The following CPSF6 variants were observed in gnomAD, a reference collection of about 807,000 sequenced individuals.
The protein encoded by CPSF6 is cleavage and polyadenylation specific factor 6, also known as cleavage and polyadenylation specificity factor subunit 6.
CPSF6 carries 10 observed loss-of-function variants against 56.7 expected under a neutral mutation model. The ratio of observed to expected loss-of-function variants is 0.18; its 90% CI spans 0.11 to 0.30. The LOEUF is 0.30. Among genes scored for constraint, CPSF6 ranks in the 10% least tolerant of loss-of-function variants. The pLI is 1.00. For synonymous variants in CPSF6, 248 were observed against 244.8 expected, an observed-to-expected ratio of 1.01 and a Z score of -0.12; for missense variants, 419 against 722.9, an observed-to-expected ratio of 0.58 and a Z score of 4.82.
intron 1 of CPSF6, among the ~76,000 whole-genome samples, chr12:69,241,408 C>G (rs768507658): frequency 2.0e-5 from 3 of 152,160 alleles, no homozygotes; most frequent in Non-Finnish European, 4.4e-5. Context: ...AGGGCTGTAA[C>G]TGCAAGGAAC....
chr12:69,251,375 A>G, intron 2 of CPSF6, 37 bp downstream of exon 2: 11 of 1,322,518 alleles, frequency 8.3e-6, no homozygotes, highest in Non-Finnish European at 1.1e-5. Flanking sequence ...ATTATTGGTA[A>G]TTGATTTTGA....
intron 1 of CPSF6, among the ~76,000 whole-genome samples, chr12:69,250,596 A>C (rs1413534378): frequency 8.6e-6 from 1 of 116,420 alleles, no homozygotes; most frequent in Non-Finnish European, 1.8e-5. Context: ...TCTACAAAAA[A>C]AAAAAAAAAA....
intron 9 of CPSF6, among the ~76,000 whole-genome samples, chr12:69,267,746 T>C (rs1249249946): frequency 1.3e-5 from 2 of 151,896 alleles, no homozygotes; most frequent in South Asian, 2.1e-4. Context: ...CTATCCCCCA[T>C]ATTTTATGTC....
rs992615171 is a variant in CPSF6 at position 69,272,456 on chromosome 12, C to T, written c.*2948C>T. On this transcript the variant is annotated 3_prime_UTR_variant, in exon 10 of 10. Coordinates refer to ENST00000435070, the MANE Select transcript of CPSF6 (RefSeq NM_007007.3). ...TGGAAAGGGCAAAGACTTTCTCTTT[C>T]CCTTATGTATTTAACTGTGCCAATC... The T allele has an allele frequency of 1.3e-5, 2 of 151,546 alleles. No individual in the cohort carries two copies. The highest frequency in any genetic ancestry group is 3.0e-5 in the Non-Finnish European group (2 of 67,602). The allele number at this position is 151,546 out of a possible 1,614,324, so 9.4% of individuals were successfully genotyped here. A position where few individuals can be genotyped will look rare whatever the true frequency, so the allele number is the denominator to read the frequency against.
At chr12:69,262,347 A>G (rs375868265) in intron 8 of CPSF6, 26 bp from the exon 9 acceptor site, 1 of 1,553,598 alleles carries the variant, frequency 6.4e-7, no homozygotes, top group Non-Finnish European at 8.7e-7. Context: ...TATGGAGAGC[A>G]TTAATCCAGT....
intron 3 of CPSF6, among the ~76,000 whole-genome samples, chr12:69,255,792 C>T (rs1275987569): frequency 6.6e-6 from 1 of 152,182 alleles, no homozygotes; most frequent in Non-Finnish European, 1.5e-5. Flanking sequence ...CTGCCTTGGC[C>T]TCCCAAAGTG....
intron 4 of CPSF6, 73 bp from the exon 5 acceptor site, chr12:69,257,659 T>C: frequency 1.4e-6 from 2 of 1,408,838 alleles, no homozygotes; most frequent in Non-Finnish European, 2.0e-6. Context: ...TAGAGTTGTT[T>C]TTAATAATAG....
intron 1 of CPSF6, among the ~76,000 whole-genome samples, chr12:69,245,468 T>C (rs1333943535): frequency 6.6e-6 from 1 of 152,220 alleles, no homozygotes; most frequent in Non-Finnish European, 1.5e-5. Context: ...TTAGGGTTCC[T>C]TGCTTTCCGT....
chr12:69,264,888 C>A (rs1177504013), intron 9 of CPSF6, among the ~76,000 whole-genome samples: 1 of 152,086 alleles, frequency 6.6e-6, no homozygotes, highest in Non-Finnish European at 1.5e-5. Context: ...TTTGAGCTTT[C>A]ATGTAAATCT....
rs1873390076 is a variant in CPSF6, at chr12:69,274,108, A to ATTTTTT, written c.*4600_*4601insTTTTTT. On this transcript the variant is annotated 3_prime_UTR_variant, in exon 10 of 10. Transcript: ENST00000435070. Reference sequence around the variant, plus strand: ...GGTAAGGTGATAATTGATCTAATAGACTTTTTTTTTTTTTTTTTTGCTGTC... The same window carrying ATTTTTT: ...GGTAAGGTGATAATTGATCTAATAGATTTTTTCTTTTTTTTTTTTTTTTTTGCTGTC... The ATTTTTT allele has an allele frequency of 2.4e-4, 11 of 45,558 alleles. No individual in the cohort carries two copies. The highest frequency in any genetic ancestry group is 3.4e-4 in the African/African-American group (3 of 8,854). 2.8% of individuals were successfully genotyped at this position (45,558 alleles called of 1,614,324 possible).
At position 69,259,043 on chromosome 12, in the gene CPSF6, C is replaced by T; in HGVS notation, c.1148C>T (p.Pro383Leu). 6.2e-7 allele frequency: 1 copy of T among 1,605,662 alleles called. No homozygotes were observed. Among genetic ancestry groups the T allele is most frequent in the Non-Finnish European group, 8.5e-7 (1 of 1,179,964 alleles). ...SDSRGPPPTD[P>L]YGRPPPYDRG... ...AGCCGAGGTCCACCACCAACAGATC[C>T]ATATGGGCGACCTCCACCATATGAT... is the stretch of plus-strand genomic sequence containing the variant. The change falls in exon 6 of 10, where the codon CCA becomes CTA. Residue 383 changes from proline (P) to leucine (L), a missense_variant. Transcript: ENST00000435070.
chr12:69,254,307 C>G (rs1238608586), intron 3 of CPSF6, among the ~76,000 whole-genome samples: 2 of 152,194 alleles, frequency 1.3e-5, no homozygotes, highest in East Asian at 1.9e-4. Flanking sequence ...TCCTACCACT[C>G]TTTTTCAGCC....
chr12:69,256,237 C>T (rs769189345), intron 3 of CPSF6, among the ~76,000 whole-genome samples: 4 of 151,884 alleles, frequency 2.6e-5, no homozygotes, highest in African/African-American at 7.3e-5. Context: ...GGAATGGGAG[C>T]GATGGCTAAT....
chr12:69,253,491 A>G (rs1384397234), intron 3 of CPSF6, among the ~76,000 whole-genome samples: 1 of 152,166 alleles, frequency 6.6e-6, no homozygotes, highest in Non-Finnish European at 1.5e-5. Flanking sequence ...AAGATGGGCA[A>G]CTGAATAATG....
At chr12:69,265,735 T>A (rs1872947774) in intron 9 of CPSF6, among the ~76,000 whole-genome samples, 1 of 151,574 alleles carries the variant, frequency 6.6e-6, no homozygotes, top group Admixed American at 6.6e-5. Flanking sequence ...CCGGAGTAGC[T>A]AGGATTACAG....
At chr12:69,252,219 A>G in intron 2 of CPSF6, 1 of 385,374 alleles carries the variant, frequency 2.6e-6, no homozygotes, top group Non-Finnish European at 5.0e-6. Context: ...GACCACAGGC[A>G]TGTGTCACTC....
intron 3 of CPSF6, among the ~76,000 whole-genome samples, chr12:69,253,974 T>C (rs1249634534): frequency 2.0e-5 from 3 of 152,222 alleles, no homozygotes; most frequent in African/African-American, 4.8e-5. Context: ...TTATTTCTTA[T>C]ATTGCTTACT....
chr12:69,259,550 G>T lies in CPSF6; in HGVS notation c.1315+7G>T, dbSNP rs202148059. ...GTGTCTGATGCCAGTGCTGGTTTGT[G>T]TATTTCTTGTATTAATATTTCTTAT... On this transcript the variant is annotated splice_region_variant and intron_variant, in intron 7 of 9. Coordinates refer to ENST00000435070, the MANE Select transcript of CPSF6 (RefSeq NM_007007.3). 3.5e-4 allele frequency: 556 copies of T among 1,594,550 alleles called. 10 individuals carry two copies. The South Asian group carries it at 6.1e-3, about 17-fold the overall frequency.
intron 6 of CPSF6, 36 bp from the exon 7 acceptor site, chr12:69,259,392 T>G: frequency 6.3e-7 from 1 of 1,595,530 alleles, no homozygotes; most frequent in South Asian, 1.1e-5. Context: ...GGAAATCTGT[T>G]GAGTATGAGT....
Sources: gnomAD v4.1 joint callset for allele counts (sites outside exome capture counted in the v4.1 genomes callset) on GRCh38, gnomAD v4.1.1 for gene constraint, MANE v1.5 for transcripts, NCBI Gene and HGNC (gene_info 2026-07-23, HGNC 2026-07-21) for gene names.